KDM3B: variants seen among roughly 807,000 people sequenced by gnomAD.
KDM3B encodes the protein lysine demethylase 3B.
Under a neutral mutation model 170.0 loss-of-function variants are expected in KDM3B, and 10 were observed. The observed-to-expected ratio is 0.06, with a 90% CI of 0.04 to 0.10. KDM3B has a LOEUF of 0.10. Among genes scored for constraint, KDM3B ranks in the 10% least tolerant of loss-of-function variants. The pLI is 1.00. For synonymous variants in KDM3B, 831 were observed against 834.8 expected (o/e 1.00, Z 0.08); for missense variants, 1,394 against 2,195.2 (o/e 0.64, Z 7.29).
chr5:138,397,435 G>A (rs1762575786), intron 9 of KDM3B, among the ~76,000 whole-genome samples: 1 of 152,168 alleles, frequency 6.6e-6, no homozygotes, highest in Admixed American at 6.5e-5. Flanking sequence ...TTGAGCCCAG[G>A]AGGTCAAGGC....
chr5:138,378,775 C>CAT (rs776701813), intron 4 of KDM3B, among the ~76,000 whole-genome samples: 13 of 148,298 alleles, frequency 8.8e-5, no homozygotes, highest in South Asian at 2.1e-4. Context: ...TAGGGAGATA[C>CAT]ATATATATAT....
chr5:138,361,373 G>C (rs968726598), intron 1 of KDM3B, among the ~76,000 whole-genome samples: 1 of 151,512 alleles, frequency 6.6e-6, no homozygotes, highest in Non-Finnish European at 1.5e-5. Context: ...TGACTTCAGA[G>C]GTAATCAGGC....
rs770231649 is a variant in KDM3B, at chr5:138,386,083, G to C, written c.842G>C (p.Gly281Ala). Residue 281 changes from glycine to alanine, a missense_variant, in exon 7 of 24, where the codon GGG becomes GCG. This residue lies in a region of KDM3B where 4 missense variants were observed against 20.8 expected (regional missense o/e 0.19). Coordinates refer to ENST00000314358, the MANE Select transcript of KDM3B (RefSeq NM_016604.4). ...AAGAAGAAGAGAGAAAGCATAGAGGGGAAAGATGGCCGGAGGAGGAAAAGT... is the reference window on the plus strand; with the variant it reads ...AAGAAGAAGAGAGAAAGCATAGAGGCGAAAGATGGCCGGAGGAGGAAAAGT... ...KGKKKRESIE[G>A]KDGRRRKSAS... is the part of the protein sequence containing the mutation. The C allele has an allele frequency of 6.2e-7, 1 of 1,614,024 alleles. No homozygotes were observed. Among genetic ancestry groups the C allele is most frequent in the African/African-American group, 1.3e-5 (1 of 74,904 alleles).
In KDM3B at chr5:138,425,598, A is replaced by G; in HGVS notation, c.4411+16A>G. 1 of 1,610,202 alleles carries G rather than the reference A, an allele frequency of 6.2e-7. No homozygotes were observed. Among genetic ancestry groups the G allele is most frequent in the Non-Finnish European group, 8.5e-7 (1 of 1,177,150 alleles). ...ATCATATGCAGTAAGTAGCTTTCAT[A>G]TCTAGTTCAGTGATAGCAGACTGGA... On this transcript the variant is annotated intron_variant, in intron 17 of 23. Transcript: ENST00000314358.
rs753978157 is a variant in KDM3B at position 138,425,408 on chromosome 5, C to T, written c.4240-3C>T. ...TCTGATTGGGATATTTTTGTTTCCA[C>T]AGCCAGTGCTGGTTTCGGGGGTACA... On this transcript the variant is annotated splice_region_variant and splice_polypyrimidine_tract_variant and intron_variant, in intron 16 of 23. Transcript: ENST00000314358. The T allele has an allele frequency of 1.2e-6, 2 of 1,612,274 alleles. No homozygotes were observed. The highest frequency in any genetic ancestry group is 1.7e-6 in the Non-Finnish European group (2 of 1,179,406).
At position 138,359,007 on chromosome 5, in the gene KDM3B, T is replaced by A. The variant is rs560598594; in HGVS notation, c.192+6020T>A. 5.5e-5 allele frequency among the ~76,000 whole-genome samples: 8 copies of A among 145,240 alleles called. No individual in the cohort carries two copies. In the South Asian group the frequency reaches 1.8e-3, roughly 34 times the overall value. Reference sequence around the variant, plus strand: ...CCCTTCCTGTGTCCATGTGTTCTCATTGTTCAATTCCCACCTATGAGTGAG... The same window carrying A: ...CCCTTCCTGTGTCCATGTGTTCTCAATGTTCAATTCCCACCTATGAGTGAG... On this transcript the variant is annotated intron_variant, in intron 1 of 23. Transcript: ENST00000314358.
intron 1 of KDM3B, among the ~76,000 whole-genome samples, chr5:138,358,118 C>T (rs1358316327): frequency 1.3e-5 from 2 of 151,238 alleles, no homozygotes; most frequent in African/African-American, 4.9e-5. Context: ...CTGCCTCAGC[C>T]TCGCAAGTAG....
At chr5:138,378,244 A>T (rs971482366) in intron 4 of KDM3B, among the ~76,000 whole-genome samples, 4 of 152,182 alleles carry the variant, frequency 2.6e-5, no homozygotes, top group African/African-American at 9.7e-5. Context: ...TTTATTTCTT[A>T]AATATTGCCA....
At chr5:138,423,227 A>C (rs928054319) in intron 15 of KDM3B, among the ~76,000 whole-genome samples, 1 of 152,220 alleles carries the variant, frequency 6.6e-6, no homozygotes, top group Non-Finnish European at 1.5e-5. Context: ...ATTAACAGGC[A>C]TGAGCCACCG....
intron 1 of KDM3B, among the ~76,000 whole-genome samples, chr5:138,364,560 A>G (rs971052300): frequency 2.6e-5 from 4 of 151,932 alleles, no homozygotes; most frequent in African/African-American, 9.7e-5. Context: ...GAGTATGTAC[A>G]TATTTAAGAT....
At chr5:138,363,314 C>G (rs1761661635) in intron 1 of KDM3B, among the ~76,000 whole-genome samples, 1 of 152,114 alleles carries the variant, frequency 6.6e-6, no homozygotes, top group Non-Finnish European at 1.5e-5. Context: ...GCCCCGTTGT[C>G]TTTATAATCT....
intron 10 of KDM3B, among the ~76,000 whole-genome samples, chr5:138,399,218 C>T (rs913505374): frequency 6.6e-6 from 1 of 151,656 alleles, no homozygotes; most frequent in South Asian, 2.1e-4. Flanking sequence ...GAGGAATCCT[C>T]TTATTTTTAA....
At chr5:138,362,284 T>C (rs1348996714) in intron 1 of KDM3B, among the ~76,000 whole-genome samples, 1 of 143,600 alleles carries the variant, frequency 7.0e-6, no homozygotes, top group East Asian at 2.3e-4. Context: ...ACCACTGTAC[T>C]CCAGCCTGAA....
intron 7 of KDM3B, among the ~76,000 whole-genome samples, chr5:138,389,597 A>G (rs1415820830): frequency 6.6e-6 from 1 of 152,208 alleles, no homozygotes; most frequent in Non-Finnish European, 1.5e-5. Context: ...ATATCCATTA[A>G]GTGGTGATGG....
At position 138,391,564 on chromosome 5, in the gene KDM3B, T is replaced by G; in HGVS notation, c.1932T>G (p.Val644=). 2 of 1,614,130 alleles carry G rather than the reference T, an allele frequency of 1.2e-6. No individual in the cohort carries two copies. Among genetic ancestry groups the G allele is most frequent in the Non-Finnish European group, 1.7e-6 (2 of 1,180,036 alleles). The change falls in exon 8 of 24, where the codon GTT becomes GTG. Residue 644 remains valine, a synonymous_variant. Coordinates refer to ENST00000314358, the MANE Select transcript of KDM3B (RefSeq NM_016604.4). This position sits in a 1 kb window ranked among gnomAD's most constrained non-coding sequence, Gnocchi z 5.0. ...SNPFLAFVEK[V]EHSPFSSFAS... ...CTTTCCTGGCATTTGTGGAGAAAGT[T>G]GAACACAGCCCTTTCAGTAGTTTTG...
At chr5:138,359,801 C>T (rs1489253337) in intron 1 of KDM3B, among the ~76,000 whole-genome samples, 2 of 152,024 alleles carry the variant, frequency 1.3e-5, no homozygotes, top group Admixed American at 6.6e-5. Flanking sequence ...CAGAAGTTAC[C>T]AGAGAAGTGA....
chr5:138,383,298 C>A (rs1762171450), intron 6 of KDM3B, among the ~76,000 whole-genome samples: 1 of 151,920 alleles, frequency 6.6e-6, no homozygotes, highest in South Asian at 2.1e-4. Flanking sequence ...ACCACCATGC[C>A]CAGCTAATTT....
chr5:138,415,165 C>G lies in KDM3B; in HGVS notation c.3233C>G (p.Ser1078Cys). 1 of 1,608,842 alleles carries G rather than the reference C, an allele frequency of 6.2e-7. No individual in the cohort carries two copies. The highest frequency in any genetic ancestry group is 2.2e-5 in the East Asian group (1 of 44,848). ...TEEMGDEEVF[S>C]WLKCAKGQSH... ...GAGATGGGTGATGAAGAAGTTTTCT[C>G]CTGGTTGAAGTGTGCAAAGGGACAG... The change falls in exon 12 of 24, where the codon TCC becomes TGC. Residue 1078 changes from serine (S) to cysteine (C), a missense_variant. This residue lies in a region of KDM3B where 44 missense variants were observed against 71.1 expected (regional missense o/e 0.62). Coordinates refer to ENST00000314358, the MANE Select transcript of KDM3B (RefSeq NM_016604.4).
At chr5:138,420,204 A>G (rs1763237812) in intron 14 of KDM3B, among the ~76,000 whole-genome samples, 1 of 152,142 alleles carries the variant, frequency 6.6e-6, no homozygotes, top group African/African-American at 2.4e-5. Context: ...AAGACTTTTA[A>G]CAAGCTTCTG....
Sources: gnomAD v4.1 joint callset for allele counts (sites outside exome capture counted in the v4.1 genomes callset) on GRCh38, gnomAD v4.1.1 for gene constraint, gnomAD v4.1.1 regional missense constraint, Gnocchi (gnomAD v3.1) non-coding constraint, MANE v1.5 for transcripts, NCBI Gene and HGNC (gene_info 2026-07-23, HGNC 2026-07-21) for gene names.